Variants in RREB1 observed in about 807,000 individuals in gnomAD.
The protein encoded by RREB1 is ras responsive element binding protein 1, also known as ras-responsive element-binding protein 1.
Under a neutral mutation model 117.8 loss-of-function variants are expected in RREB1, and 27 were observed. The observed-to-expected ratio is 0.23, with a 90% CI of 0.17 to 0.32. RREB1 has a LOEUF of 0.32. Among genes scored for constraint, RREB1 ranks in the 10% least tolerant of loss-of-function variants. The probability of loss-of-function intolerance (pLI) is 1.00; values close to 1 mark genes in which losing one functional copy is unlikely to be tolerated. For synonymous variants in RREB1, 1,298 were observed against 1,026.7 expected (o/e 1.26, Z -5.05); for missense variants, 2,577 against 2,378.2 (o/e 1.08, Z -1.74).
chr6:7,160,689 CTT>C (rs201890233), intron 1 of RREB1, among the ~76,000 whole-genome samples: 1,653 of 141,342 alleles, frequency 0.012, 50 homozygotes, highest in Admixed American at 0.058. Context: ...TTTTTTTTTT[CTT>C]TTTTTTTTCT....
intron 6 of RREB1, 40 bp from the exon 7 acceptor site, chr6:7,210,763 TC>T (rs752841362): frequency 6.4e-7 from 1 of 1,552,410 alleles, no homozygotes; most frequent in Admixed American, 2.0e-5. Flanking sequence ...TGAACTGACT[TC>T]TTTGTTAGAT....
At position 7,229,866 on chromosome 6, in the gene RREB1, G is replaced by A. The variant is rs1399681966; in HGVS notation, c.1767G>A (p.Gln589=). The change falls in exon 10 of 13, where the codon CAG becomes CAA. Residue 589 remains glutamine, a synonymous_variant. Coordinates refer to ENST00000379938, the MANE Select transcript of RREB1 (RefSeq NM_001003699.4). The surrounding 1 kb of genome is among the most constrained non-coding windows in gnomAD (Gnocchi z 4.5). ...LQQPRAELPG[Q]PEMKTQLEQD... is the part of the protein sequence containing the mutation. ...AGCCGCGGGCGGAGCTGCCGGGCCAGCCTGAGATGAAGACGCAGCTGGAGC... is the reference window on the plus strand; with the variant it reads ...AGCCGCGGGCGGAGCTGCCGGGCCAACCTGAGATGAAGACGCAGCTGGAGC... 1 of 1,610,690 alleles carries A rather than the reference G, an allele frequency of 6.2e-7. No individual in the cohort carries two copies. Among genetic ancestry groups the A allele is most frequent in the Middle Eastern group, 1.7e-4 (1 of 6,052 alleles).
In RREB1 at chr6:7,247,068, T is replaced by G. The variant is rs1405676698; in HGVS notation, c.4618T>G (p.Ser1540Ala). The change falls in exon 12 of 13, where the codon TCC becomes GCC. Residue 1540 changes from serine (S) to alanine (A), a missense_variant. Coordinates refer to ENST00000379938, the MANE Select transcript of RREB1 (RefSeq NM_001003699.4). ...CGGGGAGAGCGCGGCCGAGAAAAGGTCCTCAGAGAAGAGCGACGATGACAA... is the reference window on the plus strand; with the variant it reads ...CGGGGAGAGCGCGGCCGAGAAAAGGGCCTCAGAGAAGAGCGACGATGACAA... ...SDGESAAEKRSSEKSDDDKKP... is the reference protein window; with the variant it reads ...SDGESAAEKRASEKSDDDKKP... 6.2e-7 allele frequency: 1 copy of G among 1,612,186 alleles called. No homozygotes were observed. Among genetic ancestry groups the G allele is most frequent in the East Asian group, 2.2e-5 (1 of 44,708 alleles).
chr6:7,198,026 G>A (rs1765755759), intron 6 of RREB1, among the ~76,000 whole-genome samples: 1 of 152,176 alleles, frequency 6.6e-6, no homozygotes, highest in Non-Finnish European at 1.5e-5. Flanking sequence ...AAGGAGCAGA[G>A]GTAGCACAGT....
chr6:7,134,791 C>G (rs940685727), intron 1 of RREB1, among the ~76,000 whole-genome samples: 1 of 152,200 alleles, frequency 6.6e-6, no homozygotes, highest in Admixed American at 6.5e-5. Flanking sequence ...GCATATGTAA[C>G]CCTAAAGTCT....
At position 7,231,840 on chromosome 6, in the gene RREB1, C is replaced by G. The variant is rs745482753; in HGVS notation, c.3741C>G (p.Thr1247=). ...ACACCAACTGCCTGCAGAAGATCAC[C>G]TGTCCCCACTGTCCCCGGGTTTTCC... The part of the protein sequence containing the change: ...NSYTNCLQKI[T]CPHCPRVFPW... Residue 1247 remains threonine (T), a synonymous_variant, in exon 10 of 13, where the codon ACC becomes ACG. Transcript: ENST00000379938. 6.2e-7 allele frequency: 1 copy of G among 1,613,430 alleles called. No homozygotes were observed. Among genetic ancestry groups the G allele is most frequent in the African/African-American group, 1.3e-5 (1 of 74,926 alleles).
intron 1 of RREB1, among the ~76,000 whole-genome samples, chr6:7,131,032 G>A (rs932297201): frequency 6.7e-5 from 10 of 148,356 alleles, no homozygotes; most frequent in Non-Finnish European, 8.9e-5. Context: ...TCCGCCTCTC[G>A]GGTTCACACC....
intron 1 of RREB1, among the ~76,000 whole-genome samples, chr6:7,126,355 G>A (rs903199696): frequency 2.6e-5 from 4 of 151,620 alleles, no homozygotes; most frequent in African/African-American, 7.3e-5. Flanking sequence ...TACAACCTCC[G>A]CCTCCCAGGT....
At chr6:7,221,428 T>A (rs1229898684) in intron 8 of RREB1, among the ~76,000 whole-genome samples, 1 of 152,176 alleles carries the variant, frequency 6.6e-6, no homozygotes, top group African/African-American at 2.4e-5. Flanking sequence ...CGCCTCGGCC[T>A]CCCAAAGTGC....
chr6:7,198,963 T>C (rs1431389710), intron 6 of RREB1, among the ~76,000 whole-genome samples: 2 of 152,226 alleles, frequency 1.3e-5, no homozygotes, highest in South Asian at 2.1e-4. Flanking sequence ...ATCTGTTTAT[T>C]GCAGCAGAAT....
intron 1 of RREB1, among the ~76,000 whole-genome samples, chr6:7,140,176 G>T (rs1230869897): frequency 6.6e-6 from 1 of 152,296 alleles, no homozygotes; most frequent in East Asian, 1.9e-4. Context: ...GCTTTTGTAT[G>T]TACTGAAGCT....
chr6:7,130,549 T>A (rs1331129970), intron 1 of RREB1, among the ~76,000 whole-genome samples: 1 of 152,178 alleles, frequency 6.6e-6, no homozygotes, highest in Non-Finnish European at 1.5e-5. Flanking sequence ...TCTCTATAGC[T>A]TTAGTCATGG....
intron 10 of RREB1, among the ~76,000 whole-genome samples, chr6:7,236,892 T>TTG (rs1458317049): frequency 1.5e-5 from 2 of 132,922 alleles, no homozygotes; most frequent in Non-Finnish European, 3.2e-5. Context: ...TGGAGGTTTT[T>TTG]TTTTTTTTTT....
chr6:7,173,273 C>G (rs906591090), intron 1 of RREB1, among the ~76,000 whole-genome samples: 12 of 152,120 alleles, frequency 7.9e-5, no homozygotes, highest in African/African-American at 2.7e-4. Context: ...CAAGAACCCT[C>G]AGGAGGCTGG....
intron 6 of RREB1, among the ~76,000 whole-genome samples, chr6:7,202,514 G>A (rs890776128): frequency 2.0e-5 from 3 of 152,144 alleles, no homozygotes; most frequent in Admixed American, 6.5e-5. Context: ...TCTGGTGGCC[G>A]GCGATGGCTT....
At chr6:7,127,131 T>C (rs549260835) in intron 1 of RREB1, among the ~76,000 whole-genome samples, 13 of 151,680 alleles carry the variant, frequency 8.6e-5, no homozygotes, top group Admixed American at 8.6e-4. Context: ...TTAGGCGTGT[T>C]GTATTGAGTT....
intron 1 of RREB1, among the ~76,000 whole-genome samples, chr6:7,156,224 A>C (rs1163307715): frequency 6.6e-6 from 1 of 152,146 alleles, no homozygotes; most frequent in East Asian, 1.9e-4. Flanking sequence ...TTATTTGCAT[A>C]AGTTGTTTTA....
chr6:7,189,249 G>T lies in RREB1; in HGVS notation c.352G>T (p.Val118Leu). The change falls in exon 6 of 13, where the codon GTG becomes TTG. Residue 118 changes from valine (V) to leucine (L), a missense_variant. Transcript: ENST00000379938. ...SASSLDRHML[V>L]HSGERPYKCT... Reference sequence around the variant, plus strand: ...CAGCTCCCTCGATCGCCACATGCTGGTGCACTCTGGCGAGAGGCCTTACAA... The same window carrying T: ...CAGCTCCCTCGATCGCCACATGCTGTTGCACTCTGGCGAGAGGCCTTACAA... 6.2e-7 allele frequency: 1 copy of T among 1,611,144 alleles called. No homozygotes were observed. The highest frequency in any genetic ancestry group is 2.2e-5 in the East Asian group (1 of 44,732).
chr6:7,183,131 C>T (rs369201519), intron 4 of RREB1: 1 of 152,164 alleles, frequency 6.6e-6, no homozygotes, highest in South Asian at 2.1e-4. Flanking sequence ...TGCATTTCTC[C>T]ACACCTTGCT....
Sources: allele counts gnomAD v4.1 joint callset (sites outside exome capture counted in the v4.1 genomes callset), GRCh38; gene constraint gnomAD v4.1.1; non-coding constraint Gnocchi (gnomAD v3.1); transcripts MANE v1.5; gene names NCBI Gene and HGNC (gene_info 2026-07-23, HGNC 2026-07-21).